The following ST3GAL2 variants were observed in gnomAD, a reference collection of about 807,000 sequenced individuals.
The protein encoded by ST3GAL2 is ST3 beta-galactoside alpha-2,3-sialyltransferase 2, also known as CMP-N-acetylneuraminate-beta-galactosamide-alpha-2,3-sialyltransferase 2.
ST3GAL2 carries 16 observed loss-of-function variants against 37.5 expected under a neutral mutation model. The ratio of observed to expected loss-of-function variants is 0.43; its 90% confidence interval spans 0.29 to 0.65. ST3GAL2 has a LOEUF of 0.65. ST3GAL2 is among the 30% of genes least tolerant of loss of function. The pLI is 0.17. For missense variants in ST3GAL2, 383 were observed against 487.8 expected (o/e 0.79, Z 2.02); for synonymous variants, 238 against 202.9 (o/e 1.17, Z -1.47).
At chr16:70,432,674 C>A (rs538729002) in intron 1 of ST3GAL2, among the ~76,000 whole-genome samples, 1 of 152,152 alleles carries the variant, frequency 6.6e-6, no homozygotes, top group Non-Finnish European at 1.5e-5. Flanking sequence ...CCCCTTCTTG[C>A]GACATGTCAC....
intron 1 of ST3GAL2, among the ~76,000 whole-genome samples, chr16:70,429,699 TG>T (rs1487686190): frequency 7.3e-6 from 1 of 136,582 alleles, no homozygotes; most frequent in Non-Finnish European, 1.5e-5. Context: ...TGGAGTGAAA[TG>T]GGGTGATCAC....
chr16:70,404,833 G>C (rs763219006), intron 1 of ST3GAL2, among the ~76,000 whole-genome samples: 1 of 152,072 alleles, frequency 6.6e-6, no homozygotes, highest in Non-Finnish European at 1.5e-5. Context: ...AAGAGATCAA[G>C]ACCATCTGGC....
intron 1 of ST3GAL2, among the ~76,000 whole-genome samples, chr16:70,416,740 C>G (rs1446191583): frequency 4.6e-5 from 7 of 152,104 alleles, no homozygotes; most frequent in African/African-American, 1.7e-4. Context: ...CTTGGACCAC[C>G]CAGAAACATG....
chr16:70,383,529 G>A (rs867255056), intron 4 of ST3GAL2, among the ~76,000 whole-genome samples: 1 of 148,176 alleles, frequency 6.7e-6, no homozygotes, highest in Non-Finnish European at 1.5e-5. Context: ...TCCAGCCTGG[G>A]TGACAGAGTG....
chr16:70,413,527 C>T (rs982289286), intron 1 of ST3GAL2, among the ~76,000 whole-genome samples: 11 of 137,200 alleles, frequency 8.0e-5, no homozygotes, highest in African/African-American at 3.0e-4. Context: ...ACCAGCCTGA[C>T]CAACATGGAG....
chr16:70,409,365 C>T (rs1020320769), intron 1 of ST3GAL2, among the ~76,000 whole-genome samples: 8 of 151,496 alleles, frequency 5.3e-5, no homozygotes, highest in Admixed American at 2.6e-4. Flanking sequence ...TTTTTTGAGA[C>T]GGAGTTTTGC....
At chr16:70,413,572 A>AG (rs2047654433) in intron 1 of ST3GAL2, among the ~76,000 whole-genome samples, 1 of 148,220 alleles carries the variant, frequency 6.7e-6, no homozygotes. Flanking sequence ...AAAAAAAAAA[A>AG]AAAAAAAAAA....
Position 70,398,549 on chromosome 16 carries a change from A to C in ST3GAL2, c.-19T>G, listed in dbSNP as rs1480994396. ...ACTTCATGGTGCCGGCAGGCGGGTGACGGTCACCGTGGCCACTCTTTTCCC... is the reference window on the plus strand; with the variant it reads ...ACTTCATGGTGCCGGCAGGCGGGTGCCGGTCACCGTGGCCACTCTTTTCCC... On this transcript the variant is annotated 5_prime_UTR_variant, in exon 2 of 7. Coordinates refer to ENST00000342907, the MANE Select transcript of ST3GAL2 (RefSeq NM_006927.4). The C allele has an allele frequency of 1.3e-6, 2 of 1,566,596 alleles. No homozygotes were observed. The highest frequency in any genetic ancestry group is 8.6e-7 in the Non-Finnish European group (1 of 1,158,328).
At position 70,383,451 on chromosome 16, in the gene ST3GAL2, G is replaced by C. The variant is rs961630791; in HGVS notation, c.714-216C>G. ...AAACAAAAATTAGCTGGGTGTGGTG[G>C]AGCACAGCTGTTATCCCAGCTACTT... On this transcript the variant is annotated intron_variant, in intron 4 of 6. Transcript: ENST00000342907. Among the ~76,000 whole-genome samples, 16 of 151,632 alleles carry C rather than the reference G, an allele frequency of 1.1e-4. 1 individual carries two copies. Among genetic ancestry groups the C allele is most frequent in the South Asian group, 6.2e-4 (3 of 4,808 alleles).
chr16:70,392,094 C>A (rs2047485854), intron 3 of ST3GAL2, among the ~76,000 whole-genome samples: 1 of 152,250 alleles, frequency 6.6e-6, no homozygotes, highest in South Asian at 2.1e-4. Flanking sequence ...GCCAGGGTCA[C>A]CCTGCCTCCA....
intron 1 of ST3GAL2, among the ~76,000 whole-genome samples, chr16:70,437,686 C>T (rs1026460315): frequency 6.6e-6 from 1 of 152,142 alleles, no homozygotes; most frequent in African/African-American, 2.4e-5. Context: ...AGCAGGCATC[C>T]CTCCCTGAAA....
intron 1 of ST3GAL2, among the ~76,000 whole-genome samples, chr16:70,435,883 T>C (rs1367437961): frequency 6.6e-6 from 1 of 151,770 alleles, no homozygotes; most frequent in African/African-American, 2.4e-5. Flanking sequence ...ATCCCAACAG[T>C]GGGAAGCTGA....
chr16:70,379,559 T>C lies in ST3GAL2; in HGVS notation c.*2130A>G, dbSNP rs991570351. 1 of 152,202 alleles carries C rather than the reference T, an allele frequency of 6.6e-6. No individual in the cohort carries two copies. The highest frequency in any genetic ancestry group is 1.5e-5 in the Non-Finnish European group (1 of 68,036). 9.4% of individuals were successfully genotyped at this position (152,202 alleles called of 1,614,324 possible). On this transcript the variant is annotated 3_prime_UTR_variant, in exon 7 of 7. Coordinates refer to ENST00000342907, the MANE Select transcript of ST3GAL2 (RefSeq NM_006927.4). ...AAAGGGAAGGAAATAAAAAAGTGTG[T>C]TTAAATTACTATTGCAGAAAATCTG... is the stretch of plus-strand genomic sequence containing the variant.
At chr16:70,382,583 C>T (rs2047413700) in intron 6 of ST3GAL2, among the ~76,000 whole-genome samples, 1 of 152,190 alleles carries the variant, frequency 6.6e-6, no homozygotes, top group Admixed American at 6.5e-5. Context: ...CGCGCACGGC[C>T]AATAACTTTT....
At position 70,376,209 on chromosome 16, in the gene ST3GAL2, G is replaced by A. The variant is rs1419262887; in HGVS notation, c.*5480C>T. On this transcript the variant is annotated 3_prime_UTR_variant, in exon 7 of 7. Coordinates refer to ENST00000342907, the MANE Select transcript of ST3GAL2 (RefSeq NM_006927.4). ...TAGGCAAAAAAAGATATCGCAGGAAGGCCCTCCGTGATTCACTTCATATGT... is the reference window on the plus strand; with the variant it reads ...TAGGCAAAAAAAGATATCGCAGGAAAGCCCTCCGTGATTCACTTCATATGT... 6.6e-6 allele frequency: 1 copy of A among 152,170 alleles called. No individual in the cohort carries two copies. Among genetic ancestry groups the A allele is most frequent in the Non-Finnish European group, 1.5e-5 (1 of 68,040 alleles). 9.4% of individuals were successfully genotyped at this position (152,170 alleles called of 1,614,324 possible).
intron 3 of ST3GAL2, among the ~76,000 whole-genome samples, chr16:70,394,279 A>C (rs1433070525): frequency 6.6e-6 from 1 of 152,208 alleles, no homozygotes; most frequent in Non-Finnish European, 1.5e-5. Flanking sequence ...TCTGCCAGCG[A>C]GAATCACCTG....
chr16:70,422,045 C>T (rs551743800), intron 1 of ST3GAL2, among the ~76,000 whole-genome samples: 7 of 152,294 alleles, frequency 4.6e-5, no homozygotes, highest in African/African-American at 1.4e-4. Flanking sequence ...GAATTACGGG[C>T]CTGAGCCACC....
chr16:70,426,625 C>T (rs536366172), intron 1 of ST3GAL2, among the ~76,000 whole-genome samples: 1 of 151,982 alleles, frequency 6.6e-6, no homozygotes, highest in African/African-American at 2.4e-5. Flanking sequence ...GATTCTCCTG[C>T]CTCAGCCTCC....
rs372377140 is a variant in ST3GAL2, at chr16:70,415,782, T to C, written c.-1003-16249A>G. 4.4e-3 allele frequency among the ~76,000 whole-genome samples: 599 copies of C among 137,680 alleles called. 1 individual carries two copies. Among genetic ancestry groups the C allele is most frequent in the Middle Eastern group, 0.016 (4 of 256 alleles). The allele number at this position is 137,680 out of a possible 152,430, so 90.3% of individuals were successfully genotyped here. A position where few individuals can be genotyped will look rare whatever the true frequency, so the allele number is the denominator to read the frequency against. ...AGATTCTTTTTTTTTTTTTTTTTTT[T>C]CTTTTCTGAAACAGAGTCTCAGTCA... On this transcript the variant is annotated intron_variant, in intron 1 of 6. Transcript: ENST00000342907.
Sources: allele counts gnomAD v4.1 joint callset (sites outside exome capture counted in the v4.1 genomes callset), GRCh38; gene constraint gnomAD v4.1.1; transcripts MANE v1.5; gene names NCBI Gene and HGNC (gene_info 2026-07-23, HGNC 2026-07-21).